SBF1: variants seen among roughly 807,000 people sequenced by gnomAD.
SBF1 encodes myotubularin-related protein 5.
In SBF1, 65 loss-of-function variants were observed where a neutral mutation model predicts 215.8. The ratio of observed to expected loss-of-function variants is 0.30; its 90% CI spans 0.25 to 0.37. The LOEUF is 0.37. Among genes scored for constraint, SBF1 ranks in the 10% least tolerant of loss-of-function variants. SBF1 has a pLI of 1.00. For missense variants in SBF1, 2,634 were observed against 2,667.8 expected (o/e 0.99, Z 0.28); for synonymous variants, 1,410 against 1,122.8 (o/e 1.26, Z -5.11).
rs775939925 is a variant in SBF1 at position 50,462,907 on chromosome 22, G to A, written c.1931C>T (p.Ala644Val). Residue 644 changes from alanine to valine, a missense_variant, in exon 17 of 41, where the codon GCG (alanine) becomes GTG (valine). Physicochemically the swap from Ala to Val is moderately conservative, Grantham distance 64 (BLOSUM62 0). Coordinates refer to ENST00000380817, the MANE Select transcript of SBF1 (RefSeq NM_002972.4). ...TGTGACCAGAGGCAGCAGAGCCGCC[G>A]CAATGCCATGCTCGTCCAGAGAAGT... is the stretch of plus-strand genomic sequence containing the variant. Reference protein sequence around the residue: ...DCTSLDEHGIAAALLPLVTAF... With the variant: ...DCTSLDEHGIVAALLPLVTAF... 2.5e-5 allele frequency: 41 copies of A among 1,613,080 alleles called. No individual in the cohort carries two copies. The highest frequency in any genetic ancestry group is 3.3e-5 in the Admixed American group (2 of 59,978).
Position 50,459,521 on chromosome 22 carries a change from G to A in SBF1, c.3637C>T (p.His1213Tyr), listed in dbSNP as rs1417856214. 5.0e-6 allele frequency: 8 copies of A among 1,610,258 alleles called. 1 individual carries two copies. The highest frequency in any genetic ancestry group is 6.8e-6 in the Non-Finnish European group (8 of 1,179,790). The change falls in exon 27 of 41, where the codon CAT becomes TAT. Residue 1213 changes from histidine to tyrosine, a missense_variant. Coordinates refer to ENST00000380817, the MANE Select transcript of SBF1 (RefSeq NM_002972.4). ...AAGAGGCCGACGACACCTTTGCCAT[G>A]CAGGCCTCCAGAGCGCAGCAGCACC... Reference protein sequence around the residue: ...KAVLLRSGGLHGKGVVGLFKA... With the variant: ...KAVLLRSGGLYGKGVVGLFKA...
intron 36 of SBF1, among the ~76,000 whole-genome samples, chr22:50,452,958 AAC>A (rs1340734756): frequency 6.6e-6 from 1 of 151,860 alleles, no homozygotes; most frequent in Non-Finnish European, 1.5e-5. Context: ...GAATACTAAA[AAC>A]ACTTGTTTTT....
At chr22:50,473,712 G>T (rs1306710965) in intron 1 of SBF1, among the ~76,000 whole-genome samples, 3 of 152,156 alleles carry the variant, frequency 2.0e-5, no homozygotes, top group Non-Finnish European at 2.9e-5. Flanking sequence ...AAAAAACAGG[G>T]TAACTGGGAA....
rs1666541041 is a variant in SBF1, at chr22:50,474,695, A to AGCCCCCG, written c.55+84_55+90dup. 8 of 564,560 alleles carry AGCCCCCG rather than the reference A, an allele frequency of 1.4e-5. No homozygotes were observed. The South Asian group carries it at 1.7e-4, about 12-fold the overall frequency. 35.0% of individuals were successfully genotyped at this position (564,560 alleles called of 1,614,324 possible). A position where few individuals can be genotyped will look rare whatever the true frequency, so the allele number is the denominator to read the frequency against. ...ACCCAGCCCCCAGCCCTCGGCCCCC[A>AGCCCCCG]GCCCCCGGCCCTCGACCCTCAGACC... On this transcript the variant is annotated intron_variant, in intron 1 of 40. Transcript: ENST00000380817.
In SBF1 at chr22:50,473,969, C is replaced by T. The variant is rs140040658; in HGVS notation, c.55+817G>A. Among the ~76,000 whole-genome samples the T allele has an allele frequency of 3.1e-3, 466 of 152,322 alleles. 1 individual carries two copies. The highest frequency in any genetic ancestry group is 5.5e-3 in the Admixed American group (84 of 15,306). On this transcript the variant is annotated intron_variant, in intron 1 of 40. Transcript: ENST00000380817. ...GAGATCATGTACACAAAGGGCTGTGCGGGGCCTGGCACACCAAGCACGCTC... is the reference window on the plus strand; with the variant it reads ...GAGATCATGTACACAAAGGGCTGTGTGGGGCCTGGCACACCAAGCACGCTC...
intron 36 of SBF1, among the ~76,000 whole-genome samples, chr22:50,449,077 T>G (rs1331597140): frequency 6.6e-6 from 1 of 151,800 alleles, no homozygotes; most frequent in Non-Finnish European, 1.5e-5. Context: ...CGCACGCCTG[T>G]AGGAGAATCG....
In SBF1 at chr22:50,459,363, C is replaced by T; in HGVS notation, c.3718G>A (p.Glu1240Lys). The T allele has an allele frequency of 6.2e-7, 1 of 1,612,508 alleles. No homozygotes were observed. The highest frequency in any genetic ancestry group is 1.3e-5 in the African/African-American group (1 of 75,018). ...ACAGCCTGCAGGTACTTCTCCTGCT[C>T]CAGGCTACTCGAGTCCGCCTGGGAC... The part of the protein sequence containing the change: ...GQSQADSSSL[E>K]QEKYLQAVVS... Residue 1240 changes from glutamate to lysine, a missense_variant, in exon 28 of 41, where the codon GAG becomes AAG. Transcript: ENST00000380817.
chr22:50,460,807 T>C (rs971005297), intron 23 of SBF1, 95 bp from the exon 24 acceptor site: 32 of 1,354,112 alleles, frequency 2.4e-5, no homozygotes, highest in Non-Finnish European at 3.0e-5. Context: ...CTCGCAGCCA[T>C]GACAGAGAGA....
Position 50,460,330 on chromosome 22 carries a change from G to A in SBF1, c.3225C>T (p.Pro1075=). 6.2e-7 allele frequency: 1 copy of A among 1,613,460 alleles called. No homozygotes were observed. Among genetic ancestry groups the A allele is most frequent in the South Asian group, 1.1e-5 (1 of 91,006 alleles). ...RQHVTRKKYN[P]PSWEHRGQPP... is the part of the protein sequence containing the mutation. ...GCTGGCCCCGGTGCTCCCAGCTGGG[G>A]GGGTTGTACTTCTTGCGAGTGACAT... Residue 1075 remains proline, a synonymous_variant, in exon 25 of 41, where the codon CCC becomes CCT. Coordinates refer to ENST00000380817, the MANE Select transcript of SBF1 (RefSeq NM_002972.4).
In SBF1 at chr22:50,467,348, C is replaced by G. The variant is rs1309542797; in HGVS notation, c.539G>C (p.Gly180Ala). The stretch of plus-strand genomic sequence containing the variant: ...GCCTCCAAAACTCACCTGCGAGCCC[C>G]CAGCCAGGGGCACAGTGCACGTCAG... ...NLLTCTVPLA[G>A]GSQRTISLGA... Residue 180 changes from glycine (G) to alanine (A), a missense_variant, in exon 5 of 41, where the codon GGG (glycine) becomes GCG (alanine). Gly to Ala is a moderately conservative substitution (Grantham distance 60, BLOSUM62 0). Coordinates refer to ENST00000380817, the MANE Select transcript of SBF1 (RefSeq NM_002972.4). 1 of 1,613,936 alleles carries G rather than the reference C, an allele frequency of 6.2e-7. No homozygotes were observed. The highest frequency in any genetic ancestry group is 1.3e-5 in the African/African-American group (1 of 74,942).
In SBF1 at chr22:50,447,232, T is replaced by C. The variant is rs772336829; in HGVS notation, c.5592A>G (p.Thr1864=). The C allele has an allele frequency of 6.2e-7, 1 of 1,613,950 alleles. No homozygotes were observed. Among genetic ancestry groups the C allele is most frequent in the Non-Finnish European group, 8.5e-7 (1 of 1,179,962 alleles). The change falls in exon 41 of 41, where the codon ACA becomes ACG. Residue 1864 remains threonine (T), a synonymous_variant. Transcript: ENST00000380817. ...CACAGAAGTTGTAAACGCGACGCGTTGTCTTCACCTGGGGAAGGGCGGGTT... is the reference window on the plus strand; with the variant it reads ...CACAGAAGTTGTAAACGCGACGCGTCGTCTTCACCTGGGGAAGGGCGGGTT... ...VDEKAFFDVK[T]TRRVYNFCAQ...
Position 50,454,754 on chromosome 22 carries a change from C to A in SBF1, c.4813-12G>T. 1 of 1,589,534 alleles carries A rather than the reference C, an allele frequency of 6.3e-7. No homozygotes were observed. The highest frequency in any genetic ancestry group is 8.5e-7 in the Non-Finnish European group (1 of 1,170,628). ...TAGGGCCGCAGGACCTGAGGGTGGG[C>A]CTGTGGTTGAGGACCTGGGTCGGGC... On this transcript the variant is annotated splice_polypyrimidine_tract_variant and intron_variant, in intron 35 of 40. Coordinates refer to ENST00000380817, the MANE Select transcript of SBF1 (RefSeq NM_002972.4).
At chr22:50,451,631 C>T (rs183166641) in intron 36 of SBF1, among the ~76,000 whole-genome samples, 22 of 152,150 alleles carry the variant, frequency 1.4e-4, no homozygotes, top group Admixed American at 1.2e-3. Context: ...GAGCCCCAAG[C>T]AGGACGAAAG....
In SBF1 at chr22:50,474,748, T is replaced by A. The variant is rs781171345; in HGVS notation, c.55+38A>T. 2.5e-5 allele frequency: 35 copies of A among 1,417,882 alleles called. No individual in the cohort carries two copies. The South Asian group carries it at 4.1e-4, about 17-fold the overall frequency. The allele number at this position is 1,417,882 out of a possible 1,614,324, so 87.8% of individuals were successfully genotyped here. On this transcript the variant is annotated intron_variant, in intron 1 of 40. Coordinates refer to ENST00000380817, the MANE Select transcript of SBF1 (RefSeq NM_002972.4). ...GCCCCTGGCCCTCAGCACTCGACCC[T>A]CGGCCCCCGGCCCTCAGCGCTTGGC...
rs200910134 is a variant in SBF1, at chr22:50,459,273, C to T, written c.3808G>A (p.Ala1270Thr). The T allele has an allele frequency of 2.0e-4, 321 of 1,606,098 alleles. No individual in the cohort carries two copies. Among genetic ancestry groups the T allele is most frequent in the Non-Finnish European group, 2.6e-4 (306 of 1,174,260 alleles). ...CCCTCACCGTGACTGCCCATGTGGG[C>T]TGAGGAGAAGCCGCTAAGCGTGTTG... The part of the protein sequence containing the change: ...GRNTLSGFSS[A>T]HMGSHVPSPR... Residue 1270 changes from alanine to threonine, a missense_variant, in exon 28 of 41, where the codon GCC (alanine) becomes ACC (threonine). Ala to Thr is a moderately conservative substitution (Grantham distance 58). Transcript: ENST00000380817.
At chr22:50,468,321 G>A (rs2067864911) in intron 2 of SBF1, 55 bp downstream of exon 2, 5 of 1,530,574 alleles carry the variant, frequency 3.3e-6, no homozygotes, top group Non-Finnish European at 2.7e-6. Flanking sequence ...GGGCAGGGCT[G>A]TGCCCACCTG....
intron 1 of SBF1, among the ~76,000 whole-genome samples, 186 bp downstream of exon 1, chr22:50,474,600 A>G (rs1287825511): frequency 3.9e-5 from 3 of 77,578 alleles, no homozygotes; most frequent in African/African-American, 1.9e-4. Context: ...GGCTCCCCCG[A>G]CCCCGGCCCT....
chr22:50,461,125 G>T (rs1191559427), intron 23 of SBF1, 34 bp downstream of exon 23: 2 of 1,565,018 alleles, frequency 1.3e-6, no homozygotes, highest in Admixed American at 1.9e-5. Flanking sequence ...ACCAGGGCGG[G>T]GGATGAGAGC....
At chr22:50,474,619 A>G (rs540664276) in intron 1 of SBF1, among the ~76,000 whole-genome samples, 167 bp downstream of exon 1, 2 of 65,524 alleles carry the variant, frequency 3.1e-5, no homozygotes, top group African/African-American at 1.2e-4. Context: ...CTCAGCGCCC[A>G]GCCCCCGGTC....
Sources: allele counts gnomAD v4.1 joint callset (sites outside exome capture counted in the v4.1 genomes callset), GRCh38; gene constraint gnomAD v4.1.1; transcripts MANE v1.5; gene names NCBI Gene and HGNC (gene_info 2026-07-23, HGNC 2026-07-21).